TBC1D12: variants seen among roughly 807,000 people sequenced by gnomAD.
TBC1D12 encodes the protein TBC1 domain family, member 12.
In TBC1D12, 56 loss-of-function variants were observed where a neutral mutation model predicts 86.7. That is an observed-to-expected ratio of 0.65 (90% CI 0.52 to 0.81). TBC1D12 has a LOEUF of 0.81. TBC1D12 is among the 30% of genes least tolerant of loss of function. The probability of loss-of-function intolerance (pLI) is 0.00; values close to 1 mark genes in which losing one functional copy is unlikely to be tolerated. For synonymous variants in TBC1D12, 421 were observed against 411.7 expected (o/e 1.02, Z -0.27); for missense variants, 1,023 against 1,038.8 (o/e 0.98, Z 0.21).
At chr10:94,435,131 G>C (rs1402007191) in intron 1 of TBC1D12, among the ~76,000 whole-genome samples, 1 of 152,102 alleles carries the variant, frequency 6.6e-6, no homozygotes, top group Non-Finnish European at 1.5e-5. Context: ...TTTTGAGTAG[G>C]TTTTTGCTCT....
chr10:94,526,586 T>TAGC (rs1239247423), intron 11 of TBC1D12, among the ~76,000 whole-genome samples: 1 of 152,226 alleles, frequency 6.6e-6, no homozygotes, highest in African/African-American at 2.4e-5. Context: ...TGTGGCTTAG[T>TAGC]AGCATTCCAT....
At chr10:94,491,278 G>T (rs1210021830) in intron 3 of TBC1D12, among the ~76,000 whole-genome samples, 1 of 152,092 alleles carries the variant, frequency 6.6e-6, no homozygotes, top group Non-Finnish European at 1.5e-5. Context: ...CAACCTACCA[G>T]ATCAACTGAC....
Position 94,533,045 on chromosome 10 carries a change from G to A in TBC1D12, c.2277G>A (p.Met759Ile). ...ATTTTCAGGTCTTTGCATCTGTAAT[G>A]AAGGATATTAAAGAAGGAGACAAGA... ...KKWTQVFASV[M>I]KDIKEGDKNS... is the part of the protein sequence containing the mutation. Residue 759 changes from methionine to isoleucine, a missense_variant, in exon 13 of 13, where the codon ATG (methionine) becomes ATA (isoleucine). Around this residue, in one of 2 missense-constraint regions of TBC1D12, gnomAD observed 395 missense variants for 507.7 expected, o/e 0.78. Transcript: ENST00000225235. 6.3e-7 allele frequency: 1 copy of A among 1,587,174 alleles called. No homozygotes were observed. Among genetic ancestry groups the A allele is most frequent in the South Asian group, 1.1e-5 (1 of 87,468 alleles).
rs772734959 is a variant in TBC1D12 at position 94,402,595 on chromosome 10, G to T, written c.-19G>T. The T allele has an allele frequency of 3.1e-6, 5 of 1,608,934 alleles. No homozygotes were observed. The highest frequency in any genetic ancestry group is 1.7e-4 in the Middle Eastern group (1 of 6,042). The stretch of plus-strand genomic sequence containing the variant: ...GTAGTCCTTCTTTGCCTCCTGGGGC[G>T]GCCGCCACCCACCCCCAGATGGTGG... On this transcript the variant is annotated 5_prime_UTR_variant, in exon 1 of 13. Transcript: ENST00000225235.
chr10:94,488,424 A>C (rs1287343147), intron 3 of TBC1D12, among the ~76,000 whole-genome samples: 2 of 108,402 alleles, frequency 1.8e-5, no homozygotes, highest in African/African-American at 7.4e-5. Context: ...GCAGTCTTGC[A>C]CTGTAGCCCA....
intron 2 of TBC1D12, among the ~76,000 whole-genome samples, chr10:94,470,454 A>T (rs758400420): frequency 6.6e-6 from 1 of 151,970 alleles, no homozygotes; most frequent in Non-Finnish European, 1.5e-5. Context: ...AGCCTCCACA[A>T]CCTGGCTCAA....
At chr10:94,404,143 C>T (rs1376027053) in intron 1 of TBC1D12, among the ~76,000 whole-genome samples, 3 of 152,132 alleles carry the variant, frequency 2.0e-5, no homozygotes, top group Admixed American at 2.0e-4. Context: ...GGTTGTGCTT[C>T]ATAGTGTTTA....
chr10:94,450,176 A>G (rs759432407), intron 2 of TBC1D12, among the ~76,000 whole-genome samples: 5 of 152,166 alleles, frequency 3.3e-5, no homozygotes, highest in Non-Finnish European at 5.9e-5. Context: ...GCATATATCT[A>G]TATCTATATC....
chr10:94,511,567 A>AT lies in TBC1D12; in HGVS notation c.1690-11dup. Reference sequence around the variant, plus strand: ...AATTATTTGTACAGTTTCAAATTTCATTTTTCTCTCCTAAGGGTGGTCCAT... The same window carrying AT: ...AATTATTTGTACAGTTTCAAATTTCATTTTTTCTCTCCTAAGGGTGGTCCAT... On this transcript the variant is annotated splice_polypyrimidine_tract_variant and intron_variant, in intron 8 of 12. Coordinates refer to ENST00000225235, the MANE Select transcript of TBC1D12 (RefSeq NM_015188.2). 6.4e-7 allele frequency: 1 copy of AT among 1,568,148 alleles called. No individual in the cohort carries two copies. Among genetic ancestry groups the AT allele is most frequent in the Non-Finnish European group, 8.7e-7 (1 of 1,143,494 alleles).
At chr10:94,532,216 C>T (rs562722252) in intron 12 of TBC1D12, among the ~76,000 whole-genome samples, 21 of 152,008 alleles carry the variant, frequency 1.4e-4, no homozygotes, top group Non-Finnish European at 2.4e-4. Flanking sequence ...CTCACTCTGT[C>T]GCCCAGGCTG....
intron 6 of TBC1D12, among the ~76,000 whole-genome samples, chr10:94,503,316 G>A (rs540006195): frequency 2.6e-5 from 4 of 152,244 alleles, no homozygotes; most frequent in Admixed American, 2.0e-4. Flanking sequence ...TTACCCATAC[G>A]AGGATGACTG....
intron 3 of TBC1D12, among the ~76,000 whole-genome samples, chr10:94,485,959 G>A (rs1385410074): frequency 6.6e-6 from 1 of 151,866 alleles, no homozygotes; most frequent in African/African-American, 2.4e-5. Context: ...CAGTTATAAT[G>A]TCTCCTTTTT....
chr10:94,518,814 C>T (rs577772413), intron 9 of TBC1D12, among the ~76,000 whole-genome samples: 5 of 152,192 alleles, frequency 3.3e-5, no homozygotes, highest in African/African-American at 1.2e-4. Context: ...GTGGCTCACG[C>T]CTGTAATCCC....
At chr10:94,451,374 T>C (rs747169361) in intron 2 of TBC1D12, among the ~76,000 whole-genome samples, 9 of 152,158 alleles carry the variant, frequency 5.9e-5, no homozygotes, top group Non-Finnish European at 1.3e-4. Flanking sequence ...GACAAGTTTA[T>C]TAAGATTTTT....
chr10:94,452,111 T>A (rs2055560153), intron 2 of TBC1D12, among the ~76,000 whole-genome samples: 1 of 150,798 alleles, frequency 6.6e-6, no homozygotes, highest in African/African-American at 2.4e-5. Flanking sequence ...TTCATATATA[T>A]TTAAATATAT....
intron 3 of TBC1D12, among the ~76,000 whole-genome samples, chr10:94,480,992 G>A (rs1326011455): frequency 6.6e-6 from 1 of 151,510 alleles, no homozygotes; most frequent in African/African-American, 2.4e-5. Context: ...CTCCATCAGA[G>A]CTCTTTGGTA....
chr10:94,523,228 T>G (rs552764956), intron 11 of TBC1D12, among the ~76,000 whole-genome samples: 13 of 136,450 alleles, frequency 9.5e-5, no homozygotes, highest in Non-Finnish European at 1.9e-4. Context: ...GAGCATAGAC[T>G]CTGGGTTGAA....
chr10:94,457,405 A>G (rs569471196), intron 2 of TBC1D12, among the ~76,000 whole-genome samples: 1 of 151,828 alleles, frequency 6.6e-6, no homozygotes, highest in Non-Finnish European at 1.5e-5. Context: ...CTGTTTCTTC[A>G]TTTGTTTGTT....
intron 11 of TBC1D12, among the ~76,000 whole-genome samples, chr10:94,529,009 A>AT (rs201651798): frequency 0.11 from 16,012 of 148,092 alleles, 1,109 homozygotes; most frequent in Middle Eastern, 0.2. Flanking sequence ...TTGGTTCAGG[A>AT]TTTTTTTTTT....
Sources: allele counts gnomAD v4.1 joint callset (sites outside exome capture counted in the v4.1 genomes callset), GRCh38; gene constraint gnomAD v4.1.1; regional missense constraint gnomAD v4.1.1; transcripts MANE v1.5; gene names NCBI Gene and HGNC (gene_info 2026-07-23, HGNC 2026-07-21).